KLHL29: variants seen among roughly 807,000 people sequenced by gnomAD.
KLHL29 encodes kelch like family member 29.
Under a neutral mutation model 80.4 loss-of-function variants are expected in KLHL29, and 21 were observed. That is an observed-to-expected ratio of 0.26 (90% CI 0.19 to 0.38). KLHL29 has a LOEUF of 0.38. KLHL29 is among the 10% of genes least tolerant of loss of function. The probability of loss-of-function intolerance (pLI) is 1.00; values close to 1 mark genes in which losing one functional copy is unlikely to be tolerated. For missense variants in KLHL29, 867 were observed against 1,223.9 expected (o/e 0.71, Z 4.35); for synonymous variants, 511 against 526.8 (o/e 0.97, Z 0.41).
rs1299197352 is a variant in KLHL29, at chr2:23,457,118, G to A, written c.-153-18442G>A. ...CCAGGCCCTGTGCCTTCCCGACGCCGGGGACTGGAGCTAGAGGCATCTGGT... is the reference window on the plus strand; with the variant it reads ...CCAGGCCCTGTGCCTTCCCGACGCCAGGGACTGGAGCTAGAGGCATCTGGT... On this transcript the variant is annotated intron_variant, in intron 1 of 13. Coordinates refer to ENST00000486442, the MANE Select transcript of KLHL29 (RefSeq NM_052920.2). This position sits in a 1 kb window ranked among gnomAD's most constrained non-coding sequence, Gnocchi z 4.3. Among the ~76,000 whole-genome samples the A allele has an allele frequency of 6.6e-6, 1 of 152,232 alleles. No individual in the cohort carries two copies. Among genetic ancestry groups the A allele is most frequent in the African/African-American group, 2.4e-5 (1 of 41,470 alleles).
At chr2:23,598,323 A>C (rs1381784844) in intron 3 of KLHL29, among the ~76,000 whole-genome samples, 1 of 152,226 alleles carries the variant, frequency 6.6e-6, no homozygotes, top group African/African-American at 2.4e-5. Flanking sequence ...TGATCTTGCA[A>C]GATGTTGAAG....
intron 3 of KLHL29, among the ~76,000 whole-genome samples, chr2:23,603,924 A>G (rs1029989514): frequency 6.6e-6 from 1 of 152,222 alleles, no homozygotes; most frequent in African/African-American, 2.4e-5. Flanking sequence ...GACTGTGCCC[A>G]GAGGAGGTGC....
chr2:23,633,756 C>CTGTGTGTGTGTTT (rs35002083), intron 3 of KLHL29, among the ~76,000 whole-genome samples: 1 of 147,128 alleles, frequency 6.8e-6, no homozygotes, highest in African/African-American at 2.6e-5. Flanking sequence ...TCACAGCACT[C>CTGTGTGTGTGTTT]GTGTGTGTGT....
chr2:23,526,903 G>A (rs773998887), intron 2 of KLHL29, among the ~76,000 whole-genome samples: 15 of 152,186 alleles, frequency 9.9e-5, no homozygotes, highest in Non-Finnish European at 1.6e-4. Context: ...CAGCAGAGCC[G>A]GGTGTTAAAC....
At chr2:23,421,355 G>A (rs960908620) in intron 1 of KLHL29, among the ~76,000 whole-genome samples, 1 of 152,170 alleles carries the variant, frequency 6.6e-6, no homozygotes, top group Admixed American at 6.5e-5. Flanking sequence ...CTGGGCTGGG[G>A]GCCCAGTAGG....
chr2:23,508,061 G>A (rs1022754588), intron 2 of KLHL29, among the ~76,000 whole-genome samples: 15 of 152,192 alleles, frequency 9.9e-5, no homozygotes, highest in Non-Finnish European at 1.9e-4. Flanking sequence ...CCTATTCTCA[G>A]CCTCCCAGCA....
intron 1 of KLHL29, among the ~76,000 whole-genome samples, chr2:23,420,301 G>A (rs1331764685): frequency 2.6e-5 from 4 of 152,092 alleles, no homozygotes; most frequent in Non-Finnish European, 5.9e-5. Context: ...TCCTTGCTGC[G>A]TCCACACCGA....
chr2:23,578,474 A>G (rs992322480), intron 3 of KLHL29, among the ~76,000 whole-genome samples: 2 of 152,236 alleles, frequency 1.3e-5, no homozygotes, highest in Admixed American at 6.5e-5. Context: ...AATTAATAAT[A>G]CAAAGCACTT....
intron 3 of KLHL29, among the ~76,000 whole-genome samples, chr2:23,603,492 C>T (rs1019154441): frequency 1.3e-5 from 2 of 152,204 alleles, no homozygotes; most frequent in African/African-American, 2.4e-5. Context: ...AGGCACTTCC[C>T]AGGTTTCCTA....
intron 3 of KLHL29, among the ~76,000 whole-genome samples, chr2:23,590,500 C>T (rs1668231551): frequency 6.6e-6 from 1 of 152,194 alleles, no homozygotes; most frequent in South Asian, 2.1e-4. Context: ...GACCTGAACA[C>T]TCTGGGAGCC....
At chr2:23,390,495 A>C (rs1407800850) in intron 1 of KLHL29, among the ~76,000 whole-genome samples, 3 of 152,044 alleles carry the variant, frequency 2.0e-5, no homozygotes, top group Non-Finnish European at 2.9e-5. Flanking sequence ...ATCACTGATC[A>C]TTTTAAGGAT....
At chr2:23,613,037 AAGAG>A (rs1176162390) in intron 3 of KLHL29, among the ~76,000 whole-genome samples, 1 of 152,210 alleles carries the variant, frequency 6.6e-6, no homozygotes, top group Non-Finnish European at 1.5e-5. Context: ...AAGGCCAAGG[AAGAG>A]AGTATAAGTA....
In KLHL29 at chr2:23,562,655, G is replaced by T. The variant is rs1309452001; in HGVS notation, c.285+174G>T. The stretch of plus-strand genomic sequence containing the variant: ...GGAAACTGTTTGCGAGCATTCATGC[G>T]GGTTTTATTATCCATGAAGTCTTTC... On this transcript the variant is annotated intron_variant, in intron 3 of 13. Transcript: ENST00000486442. This position sits in a 1 kb window ranked among gnomAD's most constrained non-coding sequence, Gnocchi z 4.5. Among the ~76,000 whole-genome samples, 9 of 152,200 alleles carry T rather than the reference G, an allele frequency of 5.9e-5. No individual in the cohort carries two copies. Among genetic ancestry groups the T allele is most frequent in the African/African-American group, 2.2e-4 (9 of 41,450 alleles).
intron 11 of KLHL29, among the ~76,000 whole-genome samples, chr2:23,698,655 A>T (rs879602527): frequency 6.6e-6 from 1 of 152,222 alleles, no homozygotes; most frequent in Non-Finnish European, 1.5e-5. Context: ...AACCTGTATT[A>T]TATCATTATA....
chr2:23,463,283 A>T (rs1054541083), intron 1 of KLHL29, among the ~76,000 whole-genome samples: 23 of 149,954 alleles, frequency 1.5e-4, no homozygotes, highest in Admixed American at 8.7e-4. Flanking sequence ...ATAATTTGTT[A>T]TGATTCTTGT....
intron 3 of KLHL29, among the ~76,000 whole-genome samples, chr2:23,594,706 A>G (rs1048806867): frequency 2.0e-5 from 3 of 152,188 alleles, no homozygotes; most frequent in African/African-American, 4.8e-5. Context: ...TAATGAGTCA[A>G]TGCACACACA....
intron 2 of KLHL29, among the ~76,000 whole-genome samples, chr2:23,541,765 C>CAA (rs149080311): frequency 0.03 from 4,120 of 139,238 alleles, 78 homozygotes; most frequent in African/African-American, 0.052. Context: ...AAGCCCAACC[C>CAA]AAAAAACAAA....
intron 2 of KLHL29, among the ~76,000 whole-genome samples, chr2:23,559,164 C>A (rs543385685): frequency 6.6e-6 from 1 of 152,050 alleles, no homozygotes; most frequent in African/African-American, 2.4e-5. Context: ...GGACTTGGAC[C>A]CTGAGCTGAA....
intron 1 of KLHL29, among the ~76,000 whole-genome samples, chr2:23,450,250 G>T (rs1003940054): frequency 1.3e-5 from 2 of 152,068 alleles, no homozygotes; most frequent in African/African-American, 4.8e-5. Context: ...GATTTCCCAG[G>T]TCATGCCGCT....
Sources: allele counts gnomAD v4.1 joint callset (sites outside exome capture counted in the v4.1 genomes callset), GRCh38; gene constraint gnomAD v4.1.1; non-coding constraint Gnocchi (gnomAD v3.1); transcripts MANE v1.5; gene names NCBI Gene and HGNC (gene_info 2026-07-23, HGNC 2026-07-21).